DAB1: variants seen among roughly 807,000 people sequenced by gnomAD.
DAB1 encodes the protein disabled homolog 1.
A neutral mutation model predicts 64.6 loss-of-function variants in DAB1; 15 were observed. The ratio of observed to expected loss-of-function variants is 0.23; its 90% CI spans 0.16 to 0.36. DAB1 has a LOEUF of 0.36. DAB1 is among the 10% of genes least tolerant of loss of function. The pLI is 1.00. For synonymous variants in DAB1, 235 were observed against 251.9 expected, an observed-to-expected ratio of 0.93 and a Z score of 0.64; for missense variants, 596 against 706.7, an observed-to-expected ratio of 0.84 and a Z score of 1.78.
At chr1:58,325,241 G>A (rs1417264712) in intron 4 of DAB1, among the ~76,000 whole-genome samples, 1 of 152,232 alleles carries the variant, frequency 6.6e-6, no homozygotes, top group African/African-American at 2.4e-5. Context: ...TCTTTAAGGA[G>A]AATGGTTTAC....
At chr1:57,932,820 T>C (rs1202768) in intron 5 of DAB1, among the ~76,000 whole-genome samples, 3 of 152,042 alleles carry the variant, frequency 2.0e-5, no homozygotes, top group Non-Finnish European at 4.4e-5. Flanking sequence ...TTTTAATCTA[T>C]TTGTATCTTT....
intron 3 of DAB1, among the ~76,000 whole-genome samples, chr1:58,448,526 C>T (rs969396806): frequency 9.2e-5 from 14 of 152,178 alleles, no homozygotes; most frequent in African/African-American, 3.4e-4. Flanking sequence ...GAAGACTGGA[C>T]CAGATCCACA....
At chr1:57,692,408 G>A (rs541333211) in intron 6 of DAB1, among the ~76,000 whole-genome samples, 2 of 152,168 alleles carry the variant, frequency 1.3e-5, no homozygotes, top group Admixed American at 6.5e-5. Flanking sequence ...GAGAGAAAGA[G>A]AAAGAGAAAG....
At chr1:57,471,552 G>A (rs1309056938) in intron 7 of DAB1, among the ~76,000 whole-genome samples, 1 of 152,132 alleles carries the variant, frequency 6.6e-6, no homozygotes, top group African/African-American at 2.4e-5. Context: ...TTGAATCATG[G>A]GGACAGGTCT....
intron 5 of DAB1, among the ~76,000 whole-genome samples, chr1:58,084,122 T>C (rs981434306): frequency 3.3e-5 from 5 of 152,136 alleles, no homozygotes; most frequent in African/African-American, 1.2e-4. Flanking sequence ...ACTTAAATAG[T>C]TTTTTAAAAT....
intron 5 of DAB1, among the ~76,000 whole-genome samples, chr1:57,978,651 T>A (rs926865134): frequency 1.3e-5 from 2 of 151,832 alleles, no homozygotes; most frequent in Non-Finnish European, 1.5e-5. Flanking sequence ...GGGAGAAAAA[T>A]TTTGCAATCT....
upstream of DAB1, chr1:57,424,150 C>A: frequency 6.7e-6 from 1 of 148,814 alleles, no homozygotes; most frequent in South Asian, 1.8e-4. Context: ...GCCCCCCGCC[C>A]CGCCGCCCCC....
chr1:57,308,806 C>T (rs1424393456), intron 1 of DAB1, among the ~76,000 whole-genome samples: 1 of 152,122 alleles, frequency 6.6e-6, no homozygotes, highest in Non-Finnish European at 1.5e-5. Context: ...AACTGAGGCT[C>T]TGGGAAGGAA....
At chr1:58,371,538 T>C (rs1351948460) in intron 3 of DAB1, among the ~76,000 whole-genome samples, 1 of 152,206 alleles carries the variant, frequency 6.6e-6, no homozygotes, top group Non-Finnish European at 1.5e-5. Flanking sequence ...AATTCAAGCC[T>C]GCTACAGAAA....
At chr1:58,402,441 A>C (rs1175537022) in intron 3 of DAB1, among the ~76,000 whole-genome samples, 1 of 152,244 alleles carries the variant, frequency 6.6e-6, no homozygotes, top group African/African-American at 2.4e-5. Context: ...CTTCCTTGCC[A>C]CATGCAGGAA....
chr1:57,943,917 A>T (rs1351949807), intron 5 of DAB1, among the ~76,000 whole-genome samples: 1 of 152,024 alleles, frequency 6.6e-6, no homozygotes, highest in Non-Finnish European at 1.5e-5. Flanking sequence ...GGCCTTAAGG[A>T]CTCAGCCTAC....
At chr1:58,512,396 T>G (rs1239159300) in intron 2 of DAB1, among the ~76,000 whole-genome samples, 1 of 152,238 alleles carries the variant, frequency 6.6e-6, no homozygotes, top group Non-Finnish European at 1.5e-5. Flanking sequence ...GAAATCCTAC[T>G]TCTGGATATT....
In DAB1 at chr1:57,015,289, G is replaced by T; in HGVS notation, c.1038C>A (p.Leu346=). The T allele has an allele frequency of 6.2e-7, 1 of 1,614,156 alleles. No homozygotes were observed. The highest frequency in any genetic ancestry group is 2.2e-5 in the East Asian group (1 of 44,870). ...AQPIAWGQPG[L]FPATQQPWPT... ...GCCAGGGCTGCTGAGTGGCAGGAAA[G>T]AGACCCGGCTGGCCCCATGCGATGG... is the stretch of plus-strand genomic sequence containing the variant. The change falls in exon 12 of 15, where the codon CTC becomes CTA. Residue 346 remains leucine (L), a synonymous_variant. Transcript: ENST00000371236.
rs76622392 is a variant in DAB1 at position 57,980,890 on chromosome 1, C to A, written n.388-96728G>T. Among the ~76,000 whole-genome samples the A allele has an allele frequency of 9.1e-3, 1,377 of 150,846 alleles. 39 individuals are homozygous for A. The highest frequency in any genetic ancestry group is 0.081 in the East Asian group (415 of 5,114). On this transcript the variant is annotated intron_variant and non_coding_transcript_variant, in intron 5 of 20. Transcript: ENST00000485760. ...AAAAGTAACTCTCTCTCTCTCTCTA[C>A]ATGTATATATGTATATATATATACA...
rs1264574663 is a variant in DAB1, at chr1:57,542,519, G to A, written n.625+107073C>T. Among the ~76,000 whole-genome samples the A allele has an allele frequency of 5.3e-5, 8 of 150,746 alleles. No homozygotes were observed. The South Asian group carries it at 1.7e-3, about 32-fold the overall frequency. Reference sequence around the variant, plus strand: ...GAGGGCATTCCAAGCAGAGGGAACAGCACAGACCAAGAGTTCAATAGAGCT... The same window carrying A: ...GAGGGCATTCCAAGCAGAGGGAACAACACAGACCAAGAGTTCAATAGAGCT... On this transcript the variant is annotated intron_variant and non_coding_transcript_variant, in intron 7 of 20. Transcript: ENST00000485760.
intron 4 of DAB1, among the ~76,000 whole-genome samples, chr1:57,131,841 C>T (rs1377898927): frequency 6.6e-6 from 1 of 152,082 alleles, no homozygotes; most frequent in African/African-American, 2.4e-5. Flanking sequence ...TGATTCTTAA[C>T]CGTGAAGTCA....
chr1:58,465,031 A>T (rs1413131465), intron 3 of DAB1, among the ~76,000 whole-genome samples: 1 of 152,234 alleles, frequency 6.6e-6, no homozygotes, highest in Non-Finnish European at 1.5e-5. Context: ...ACACAGTGTG[A>T]GGCACTGTGC....
At chr1:58,174,084 C>G (rs1363588141) in intron 4 of DAB1, among the ~76,000 whole-genome samples, 1 of 152,150 alleles carries the variant, frequency 6.6e-6, no homozygotes, top group Non-Finnish European at 1.5e-5. Context: ...CCAAAACTGC[C>G]AAGGCCTAGA....
At chr1:58,280,342 G>A (rs537711147) in intron 4 of DAB1, among the ~76,000 whole-genome samples, 31 of 152,266 alleles carry the variant, frequency 2.0e-4, no homozygotes, top group Admixed American at 3.3e-4. Flanking sequence ...CAAGAATAGG[G>A]GCAGCCTAGC....
Sources: allele counts gnomAD v4.1 joint callset (sites outside exome capture counted in the v4.1 genomes callset), GRCh38; gene constraint gnomAD v4.1.1; transcripts MANE v1.5; gene names NCBI Gene and HGNC (gene_info 2026-07-23, HGNC 2026-07-21).